Variants in LARGE1 observed in about 807,000 individuals in gnomAD.
LARGE1 encodes the protein xylosyl- and glucuronyltransferase LARGE1.
A neutral mutation model predicts 87.6 loss-of-function variants in LARGE1; 43 were observed. The ratio of observed to expected loss-of-function variants is 0.49; its 90% CI spans 0.38 to 0.63. The LOEUF (loss-of-function observed/expected upper bound fraction) is 0.63. Among genes scored for constraint, LARGE1 ranks in the 30% least tolerant of loss-of-function variants. The probability of loss-of-function intolerance (pLI) is 0.00; values close to 1 mark genes in which losing one functional copy is unlikely to be tolerated. For synonymous variants in LARGE1, 434 were observed against 394.6 expected (o/e 1.10, Z -1.18); for missense variants, 802 against 1,000.2 (o/e 0.80, Z 2.67).
intron 6 of LARGE1, among the ~76,000 whole-genome samples, chr22:33,441,255 G>C (rs2067465325): frequency 6.6e-6 from 1 of 151,600 alleles, no homozygotes; most frequent in South Asian, 2.1e-4. Flanking sequence ...TGTATTTTTA[G>C]TAGAGACGAG....
intron 6 of LARGE1, among the ~76,000 whole-genome samples, chr22:33,460,295 G>C (rs984013425): frequency 2.0e-5 from 3 of 152,074 alleles, no homozygotes; most frequent in Non-Finnish European, 4.4e-5. Context: ...CTCTGGGGAG[G>C]TTTTAAAAAA....
intron 11 of LARGE1, among the ~76,000 whole-genome samples, chr22:33,206,147 G>A (rs1241908117): frequency 6.6e-6 from 1 of 151,996 alleles, no homozygotes; most frequent in Admixed American, 6.6e-5. Context: ...TAGTAGAGAC[G>A]GGGTTTCACT....
the LARGE1 span, among the ~76,000 whole-genome samples, chr22:33,135,446 C>T: frequency 1.3e-5 from 2 of 152,212 alleles, no homozygotes; most frequent in African/African-American, 4.8e-5. Context: ...TCATTAAATA[C>T]ATTTTAGATT....
At position 33,915,012 on chromosome 22, in the gene LARGE1, A is replaced by AACACAC. The variant is rs71320998; in HGVS notation, c.-83+4977_-83+4982dup. ...GAGACAAGACAAACATACAAACACAAACACACACACACACACACACACACA... is the reference window on the plus strand; with the variant it reads ...GAGACAAGACAAACATACAAACACAAACACACACACACACACACACACACACACACA... On this transcript the variant is annotated intron_variant, in intron 1 of 14. Coordinates refer to ENST00000397394, the MANE Select transcript of LARGE1 (RefSeq NM_133642.5). Among the ~76,000 whole-genome samples the AACACAC allele has an allele frequency of 2.7e-3, 374 of 139,152 alleles. 1 individual carries two copies. The highest frequency in any genetic ancestry group is 3.4e-3 in the Non-Finnish European group (221 of 64,454). 91.3% of individuals were successfully genotyped at this position (139,152 alleles called of 152,430 possible).
chr22:33,170,711 T>C (rs1378152517), intron 11 of LARGE1, among the ~76,000 whole-genome samples: 5 of 152,224 alleles, frequency 3.3e-5, no homozygotes, highest in Non-Finnish European at 5.9e-5. Context: ...TGTGAGTCAA[T>C]TAAATCTCTT....
intron 1 of LARGE1, among the ~76,000 whole-genome samples, chr22:33,792,247 C>T (rs918431877): frequency 6.6e-6 from 1 of 152,284 alleles, no homozygotes; most frequent in African/African-American, 2.4e-5. Flanking sequence ...CCTGTTAGGA[C>T]GTAATCAAAT....
chr22:33,918,141 G>C (rs549965529), intron 1 of LARGE1, among the ~76,000 whole-genome samples: 6 of 152,196 alleles, frequency 3.9e-5, no homozygotes, highest in South Asian at 2.1e-4. Context: ...CGAGACCTAT[G>C]ATGAGATGAA....
chr22:33,374,747 A>G (rs145563831), intron 9 of LARGE1, among the ~76,000 whole-genome samples: 3,273 of 152,300 alleles, frequency 0.021, 58 homozygotes, highest in Non-Finnish European at 0.036. Flanking sequence ...CATTACATTT[A>G]TGGGTATCTA....
chr22:33,756,238 G>A (rs912064873), intron 2 of LARGE1, among the ~76,000 whole-genome samples: 56 of 152,196 alleles, frequency 3.7e-4, no homozygotes, highest in Admixed American at 2.6e-3. Flanking sequence ...ACATGTGTTC[G>A]TTCACTCATT....
At chr22:33,444,375 T>C (rs1411746925) in intron 6 of LARGE1, among the ~76,000 whole-genome samples, 2 of 152,228 alleles carry the variant, frequency 1.3e-5, no homozygotes, top group Non-Finnish European at 2.9e-5. Context: ...ACTGCTTAAT[T>C]TTTTTCCCCT....
rs966974831 is a variant in LARGE1 at position 33,304,458 on chromosome 22, G to C, written c.1501C>G (p.Leu501Val). 16 of 1,612,870 alleles carry C rather than the reference G, an allele frequency of 9.9e-6. 1 individual carries two copies. The highest frequency in any genetic ancestry group is 6.7e-5 in the Admixed American group (4 of 59,922). The change falls in exon 12 of 15, where the codon CTG becomes GTG. Residue 501 changes from leucine (L) to valine (V), a missense_variant. By Grantham distance (32) the Leu-to-Val change is conservative. This residue lies in a region of LARGE1 where 625 missense variants were observed against 841.9 expected (regional missense o/e 0.74). Transcript: ENST00000397394. ...TCGGCGTCTGACAGGTAGAGGGCCA[G>C]GCTGATGGGCCCCTCCCAGTGCTTG... ...ICKHWEGPIS[L>V]ALYLSDAEAQ...
intron 7 of LARGE1, among the ~76,000 whole-genome samples, chr22:33,417,158 G>A (rs2066530208): frequency 1.3e-5 from 2 of 152,048 alleles, no homozygotes; most frequent in South Asian, 4.1e-4. Context: ...GCCTGCCTCG[G>A]CCTCCCAAAA....
intron 1 of LARGE1, among the ~76,000 whole-genome samples, chr22:33,854,864 G>A (rs1024711258): frequency 6.6e-5 from 10 of 152,250 alleles, no homozygotes; most frequent in South Asian, 2.1e-4. Flanking sequence ...GCAAGAGCCC[G>A]GCGAAGGTGC....
chr22:33,795,972 C>T (rs1156352080), intron 1 of LARGE1, among the ~76,000 whole-genome samples: 2 of 147,148 alleles, frequency 1.4e-5, no homozygotes, highest in African/African-American at 2.6e-5. Flanking sequence ...ATATTGTGCA[C>T]ATGTACCCTA....
intron 11 of LARGE1, among the ~76,000 whole-genome samples, chr22:33,182,437 G>T (rs540228394): frequency 2.0e-4 from 30 of 152,152 alleles, no homozygotes; most frequent in African/African-American, 7.2e-4. Context: ...ATGTGTTCAT[G>T]ATTGATTTTC....
intron 1 of LARGE1, among the ~76,000 whole-genome samples, chr22:33,894,616 T>G (rs1263348355): frequency 6.6e-6 from 1 of 152,120 alleles, no homozygotes; most frequent in African/African-American, 2.4e-5. Context: ...GCAGAAAAAC[T>G]ACTGTGCTCT....
At chr22:33,453,392 G>T (rs1183385454) in intron 6 of LARGE1, among the ~76,000 whole-genome samples, 2 of 151,454 alleles carry the variant, frequency 1.3e-5, no homozygotes, top group African/African-American at 2.4e-5. Context: ...TCCAGCCTGG[G>T]TGACAGAGCG....
At chr22:33,907,157 C>T (rs2065478525) in intron 1 of LARGE1, among the ~76,000 whole-genome samples, 1 of 152,154 alleles carries the variant, frequency 6.6e-6, no homozygotes, top group African/African-American at 2.4e-5. Context: ...GTGCCTGGAT[C>T]ACACAAACCT....
intron 3 of LARGE1, among the ~76,000 whole-genome samples, chr22:33,641,083 C>T (rs992703842): frequency 1.3e-5 from 2 of 151,042 alleles, no homozygotes; most frequent in African/African-American, 2.4e-5. Flanking sequence ...ATAGACTCCG[C>T]CTCCTCAAGT....
Sources: gnomAD v4.1 joint callset for allele counts (sites outside exome capture counted in the v4.1 genomes callset) on GRCh38, gnomAD v4.1.1 for gene constraint, gnomAD v4.1.1 regional missense constraint, MANE v1.5 for transcripts, NCBI Gene and HGNC (gene_info 2026-07-23, HGNC 2026-07-21) for gene names.